Variants in ENG observed in about 807,000 individuals in gnomAD.
The protein encoded by ENG is endoglin.
Under a neutral mutation model 71.0 loss-of-function variants are expected in ENG, and 17 were observed. The observed-to-expected ratio is 0.24, with a 90% CI of 0.16 to 0.36. ENG has a LOEUF of 0.36. ENG is among the 10% of genes least tolerant of loss of function. The pLI, the probability that ENG is intolerant of heterozygous loss-of-function variation, is 1.00. For missense variants in ENG, 749 were observed against 868.3 expected, an observed-to-expected ratio of 0.86 and a Z score of 1.73; for synonymous variants, 360 against 366.9, an observed-to-expected ratio of 0.98 and a Z score of 0.21.
rs775718026 is a variant in ENG at position 127,818,326 on chromosome 9, G to C, written c.1480C>G (p.His494Asp). ...SEFLLQLDSCHLDLGPEGGTV... is the reference protein window; with the variant it reads ...SEFLLQLDSCDLDLGPEGGTV... ...CCTCCCTCAGGCCCCAAGTCCAGGT[G>C]GCAGCTGTCTAACTGGAGCAGGAAC... is the stretch of plus-strand genomic sequence containing the variant. Residue 494 changes from histidine to aspartate, a missense_variant, in exon 12 of 15, where the codon CAC becomes GAC. Physicochemically the swap from His to Asp is moderately conservative, Grantham distance 81 (BLOSUM62 -1). Coordinates refer to ENST00000373203, the MANE Select transcript of ENG (RefSeq NM_001114753.3). The C allele has an allele frequency of 2.5e-6, 4 of 1,613,958 alleles. No homozygotes were observed. Among genetic ancestry groups the C allele is most frequent in the African/African-American group, 2.7e-5 (2 of 74,942 alleles).
At chr9:127,832,691 T>A (rs1363500199) in intron 2 of ENG, 1 of 152,446 alleles carries the variant, frequency 6.6e-6, no homozygotes, top group Non-Finnish European at 1.5e-5. Context: ...AATCTGTAAC[T>A]AGTTGTGATC....
chr9:127,818,611 C>T (rs1830392339), intron 11 of ENG, 105 bp downstream of exon 11: 2 of 1,440,632 alleles, frequency 1.4e-6, no homozygotes, highest in African/African-American at 1.4e-5. Flanking sequence ...CTGTCTCCCT[C>T]CTGACTCTGG....
chr9:127,822,142 T>C (rs537482998), intron 8 of ENG, among the ~76,000 whole-genome samples: 1 of 152,280 alleles, frequency 6.6e-6, no homozygotes, highest in African/African-American at 2.4e-5. Flanking sequence ...GGGGCAACCT[T>C]TTTTTCTTTA....
rs998036308 is a variant in ENG, at chr9:127,825,576, C to T, written c.689+119G>A. On this transcript the variant is annotated intron_variant, in intron 5 of 14. Transcript: ENST00000373203. Reference sequence around the variant, plus strand: ...CGACTGTGCTCTCACAGGGCTGCGGCGGGGCTGGGGCTGGGACTGGGGTGG... The same window carrying T: ...CGACTGTGCTCTCACAGGGCTGCGGTGGGGCTGGGGCTGGGACTGGGGTGG... 6.8e-5 allele frequency: 75 copies of T among 1,099,804 alleles called. No homozygotes were observed. The East Asian group carries it at 1.3e-3, about 19-fold the overall frequency. The allele number at this position is 1,099,804 out of a possible 1,614,324, so 68.1% of individuals were successfully genotyped here.
rs775649849 is a variant in ENG, at chr9:127,820,050, A to G, written c.1135-13T>C. 1 of 1,612,886 alleles carries G rather than the reference A, an allele frequency of 6.2e-7. No homozygotes were observed. The highest frequency in any genetic ancestry group is 1.1e-5 in the South Asian group (1 of 91,068). On this transcript the variant is annotated splice_polypyrimidine_tract_variant and intron_variant, in intron 8 of 14. Coordinates refer to ENST00000373203, the MANE Select transcript of ENG (RefSeq NM_001114753.3). Reference sequence around the variant, plus strand: ...TGCACTTCAAATGCTGGGTCGGAAGAGAGGGGCACCATCAGGAGGCACTGG... The same window carrying G: ...TGCACTTCAAATGCTGGGTCGGAAGGGAGGGGCACCATCAGGAGGCACTGG...
At chr9:127,831,418 C>T (rs1419235694) in intron 2 of ENG, among the ~76,000 whole-genome samples, 1 of 149,078 alleles carries the variant, frequency 6.7e-6, no homozygotes, top group Non-Finnish European at 1.5e-5. Context: ...GGCGGAGTCT[C>T]GCTCTGTCGC....
rs1243828923 is a variant in ENG, at chr9:127,838,810, CCCTGCCCAGCGGGGCTGTCTGCAGA to C, written c.219+4259_219+4283del. 6.6e-6 allele frequency among the ~76,000 whole-genome samples: 1 copy of C among 152,188 alleles called. No individual in the cohort carries two copies. Among genetic ancestry groups the C allele is most frequent in the Non-Finnish European group, 1.5e-5 (1 of 68,026 alleles). ...CTTCAGGGACCCAGCGAGATCCAGC[CCCTGCCCAGCGGGGCTGTCTGCAGA>C]CCTGCCCAGCACACGCACTGAGCGG... On this transcript the variant is annotated intron_variant, in intron 2 of 14. Coordinates refer to ENST00000373203, the MANE Select transcript of ENG (RefSeq NM_001114753.3). This position sits in a 1 kb window ranked among gnomAD's most constrained non-coding sequence, Gnocchi z 4.3.
At position 127,849,205 on chromosome 9, in the gene ENG, C is replaced by T. The variant is rs185824127; in HGVS notation, c.67+5084G>A. 1.1e-4 allele frequency among the ~76,000 whole-genome samples: 16 copies of T among 152,332 alleles called. No individual in the cohort carries two copies. The East Asian group carries it at 1.7e-3, about 17-fold the overall frequency. ...GGTCCAACACTAGCCCGTAGGGGAA[C>T]GACGTAGCAGTAGGGGCTACCTGCG... is the stretch of plus-strand genomic sequence containing the variant. On this transcript the variant is annotated intron_variant, in intron 1 of 14. Coordinates refer to ENST00000373203, the MANE Select transcript of ENG (RefSeq NM_001114753.3).
intron 2 of ENG, among the ~76,000 whole-genome samples, chr9:127,834,240 T>G (rs1243393148): frequency 6.6e-6 from 1 of 151,640 alleles, no homozygotes; most frequent in Non-Finnish European, 1.5e-5. Flanking sequence ...GCCCAGCTAA[T>G]TTTTGTATAT....
At chr9:127,825,458 G>A in intron 5 of ENG, 101 bp from the exon 6 acceptor site, 2 of 1,570,388 alleles carry the variant, frequency 1.3e-6, no homozygotes, top group East Asian at 2.2e-5. Flanking sequence ...TACCTGGCCA[G>A]GTGTGGGTTT....
At chr9:127,819,743 T>G in intron 9 of ENG, 83 bp from the exon 10 acceptor site, 1 of 1,588,298 alleles carries the variant, frequency 6.3e-7, no homozygotes, top group Non-Finnish European at 8.6e-7. Context: ...TTTTTGCAGA[T>G]GGGGAGACTA....
At chr9:127,825,641 G>GGGGGTGGTCTCTC in intron 5 of ENG, 54 bp downstream of exon 5, 1 of 1,436,526 alleles carries the variant, frequency 7.0e-7, no homozygotes, top group Non-Finnish European at 9.2e-7. Context: ...GGGGGGTCAG[G>GGGGGTGGTCTCTC]GGGGTGGTCT....
chr9:127,854,554 T>G lies in ENG; in HGVS notation c.-199A>C. 1.7e-6 allele frequency: 1 copy of G among 583,008 alleles called. No homozygotes were observed. Among genetic ancestry groups the G allele is most frequent in the Non-Finnish European group, 3.0e-6 (1 of 332,406 alleles). The allele number at this position is 583,008 out of a possible 1,614,324, so 36.1% of individuals were successfully genotyped here. On this transcript the variant is annotated 5_prime_UTR_variant, in exon 1 of 15. Coordinates refer to ENST00000373203, the MANE Select transcript of ENG (RefSeq NM_001114753.3). ...TGGACACAGGGACGCGGGGCTGGGC[T>G]GGAGTTGCTGTCCGAAGGATGGGCG...
At chr9:127,823,663 C>T (rs1385002877) in intron 8 of ENG, among the ~76,000 whole-genome samples, 1 of 142,926 alleles carries the variant, frequency 7.0e-6, no homozygotes, top group African/African-American at 2.6e-5. Flanking sequence ...GCTGGGATTA[C>T]AGGCACCGGC....
Position 127,829,836 on chromosome 9 carries a change from C to T in ENG, c.220-9G>A, listed in dbSNP as rs367746907. The T allele has an allele frequency of 1.9e-6, 3 of 1,613,810 alleles. No homozygotes were observed. In the South Asian group the frequency reaches 3.3e-5, roughly 18 times the overall value. ...TCCAGCTGTGACGGGCCCTGGGGGACACAGAGGAGAGACACACACAGTCCA... is the reference window on the plus strand; with the variant it reads ...TCCAGCTGTGACGGGCCCTGGGGGATACAGAGGAGAGACACACACAGTCCA... On this transcript the variant is annotated splice_polypyrimidine_tract_variant and intron_variant, in intron 2 of 14. Coordinates refer to ENST00000373203, the MANE Select transcript of ENG (RefSeq NM_001114753.3).
intron 1 of ENG, among the ~76,000 whole-genome samples, chr9:127,850,371 C>T (rs1408903107): frequency 1.3e-5 from 2 of 152,270 alleles, no homozygotes; most frequent in African/African-American, 4.8e-5. Context: ...GATCCACCTC[C>T]AGCCCTGGGG....
At chr9:127,835,024 C>T (rs1830863257) in intron 2 of ENG, among the ~76,000 whole-genome samples, 1 of 151,662 alleles carries the variant, frequency 6.6e-6, no homozygotes, top group Admixed American at 6.6e-5. Context: ...TCTTTTAAGA[C>T]AGGGTCTCCC....
chr9:127,844,745 A>G (rs1831130956), intron 1 of ENG, among the ~76,000 whole-genome samples: 1 of 152,190 alleles, frequency 6.6e-6, no homozygotes, highest in Admixed American at 6.5e-5. Flanking sequence ...CATTTGATGT[A>G]TCTGGCAACC....
intron 12 of ENG, chr9:127,817,724 G>T (rs559188219): frequency 2.6e-6 from 1 of 380,858 alleles, no homozygotes; most frequent in Non-Finnish European, 5.0e-6. Flanking sequence ...AGAAAGCCAG[G>T]AGTGTGTGTC....
Sources: allele counts gnomAD v4.1 joint callset (sites outside exome capture counted in the v4.1 genomes callset), GRCh38; gene constraint gnomAD v4.1.1; non-coding constraint Gnocchi (gnomAD v3.1); transcripts MANE v1.5; gene names NCBI Gene and HGNC (gene_info 2026-07-23, HGNC 2026-07-21).